RELL1: variants seen among roughly 807,000 people sequenced by gnomAD.
RELL1 encodes RELT like 1.
Under a neutral mutation model 23.0 loss-of-function variants are expected in RELL1, and 10 were observed. The ratio of observed to expected loss-of-function variants is 0.43; its 90% CI spans 0.27 to 0.74. RELL1 has a LOEUF of 0.74. RELL1 is among the 30% of genes least tolerant of loss of function. The probability of loss-of-function intolerance (pLI) is 0.19; values close to 1 mark genes in which losing one functional copy is unlikely to be tolerated. For missense variants in RELL1, 315 were observed against 364.4 expected (o/e 0.86, Z 1.10); for synonymous variants, 146 against 146.8 (o/e 0.99, Z 0.04).
intron 3 of RELL1, among the ~76,000 whole-genome samples, chr4:37,642,704 C>A (rs1177347100): frequency 6.6e-6 from 1 of 152,180 alleles, no homozygotes; most frequent in African/African-American, 2.4e-5. Context: ...AGGGTGGGGC[C>A]AGTCATCATT....
intron 6 of RELL1, among the ~76,000 whole-genome samples, chr4:37,616,659 C>A (rs1049388242): frequency 6.6e-6 from 1 of 151,010 alleles, no homozygotes; most frequent in African/African-American, 2.5e-5. Flanking sequence ...ATTAATAATT[C>A]TCTTGACCAC....
At chr4:37,596,510 C>A (rs1386705005) in intron 6 of RELL1, among the ~76,000 whole-genome samples, 1 of 151,444 alleles carries the variant, frequency 6.6e-6, no homozygotes, top group Non-Finnish European at 1.5e-5. Context: ...AATATAAGCA[C>A]TTTTACAACC....
chr4:37,588,644 G>A (rs758098514), downstream of RELL1: 52 of 527,596 alleles, frequency 9.9e-5, no homozygotes, highest in Non-Finnish European at 1.6e-4. Context: ...GTCAGTGAAC[G>A]TTTGAGAACT....
At chr4:37,587,043 C>G (rs528044668), downstream of RELL1, among the ~76,000 whole-genome samples, 8 of 152,186 alleles carry the variant, frequency 5.3e-5, no homozygotes, top group Non-Finnish European at 1.2e-4. Context: ...ACCGGGGCCA[C>G]ACTCTTTCCA....
intron 1 of RELL1, among the ~76,000 whole-genome samples, chr4:37,680,913 CAGAGCAACA>C (rs1722195045): frequency 8.5e-6 from 1 of 117,908 alleles, no homozygotes; most frequent in East Asian, 2.4e-4. Flanking sequence ...GCCTGGGTGA[CAGAGCAACA>C]CTCCATCTCA....
intron 1 of RELL1, among the ~76,000 whole-genome samples, chr4:37,658,743 C>A (rs891099057): frequency 1.3e-5 from 2 of 152,190 alleles, no homozygotes; most frequent in African/African-American, 4.8e-5. Flanking sequence ...AACAATATTT[C>A]ATCATTTAGC....
rs971176586 is a variant in RELL1, at chr4:37,612,293, G to T, written c.*1053C>A. Among the ~76,000 whole-genome samples, 1 of 140,034 alleles carries T rather than the reference G, an allele frequency of 7.1e-6. No homozygotes were observed. Among genetic ancestry groups the T allele is most frequent in the Non-Finnish European group, 1.5e-5 (1 of 65,454 alleles). 91.9% of individuals were successfully genotyped at this position (140,034 alleles called of 152,430 possible). ...CAACCATTTTCTCCTTTATTCAATG[G>T]ATTAACCAAGAATCGCTCAGCTAAA... On this transcript the variant is annotated 3_prime_UTR_variant, in exon 7 of 7. Coordinates refer to ENST00000454158, the MANE Select transcript of RELL1 (RefSeq NM_001085400.2).
intron 1 of RELL1, among the ~76,000 whole-genome samples, chr4:37,675,698 G>A (rs1340783008): frequency 6.6e-6 from 1 of 152,198 alleles, no homozygotes; most frequent in Non-Finnish European, 1.5e-5. Flanking sequence ...AATGTTTCCT[G>A]GAAATGCTAT....
At chr4:37,667,902 T>C (rs956143167) in intron 1 of RELL1, among the ~76,000 whole-genome samples, 1 of 151,990 alleles carries the variant, frequency 6.6e-6, no homozygotes, top group Admixed American at 6.6e-5. Flanking sequence ...AAACACTTTG[T>C]ATGAAGGGAT....
At chr4:37,624,506 C>G (rs1459730067) in intron 6 of RELL1, among the ~76,000 whole-genome samples, 2 of 150,542 alleles carry the variant, frequency 1.3e-5, no homozygotes, top group African/African-American at 4.9e-5. Context: ...TCACTGCAAC[C>G]TCCACCTCCC....
At chr4:37,675,117 G>C (rs1721984075) in intron 1 of RELL1, among the ~76,000 whole-genome samples, 1 of 152,192 alleles carries the variant, frequency 6.6e-6, no homozygotes, top group Non-Finnish European at 1.5e-5. Context: ...CTAAAAGCAA[G>C]TGGACAATTT....
chr4:37,683,261 T>C (rs1176698500), intron 1 of RELL1, among the ~76,000 whole-genome samples: 1 of 152,174 alleles, frequency 6.6e-6, no homozygotes, highest in Non-Finnish European at 1.5e-5. Context: ...GAATGAACTT[T>C]GGAATCAAGC....
downstream of RELL1, chr4:37,588,683 C>G: frequency 1.8e-6 from 1 of 566,376 alleles, no homozygotes. Flanking sequence ...TGGGGTATTC[C>G]TGGTAACCAG....
intron 1 of RELL1, among the ~76,000 whole-genome samples, chr4:37,682,437 A>C (rs1722257117): frequency 1.3e-5 from 2 of 152,228 alleles, no homozygotes; most frequent in Admixed American, 1.3e-4. Flanking sequence ...CTATTGTTTC[A>C]ATAAGTCATT....
chr4:37,600,746 G>A (rs1161185253), intron 6 of RELL1, among the ~76,000 whole-genome samples: 1 of 150,570 alleles, frequency 6.6e-6, no homozygotes, highest in Non-Finnish European at 1.5e-5. Context: ...GAGAGGTTGT[G>A]TCTGGCTTGG....
intron 6 of RELL1, among the ~76,000 whole-genome samples, chr4:37,600,856 C>A (rs1353216584): frequency 2.0e-5 from 3 of 151,158 alleles, no homozygotes; most frequent in East Asian, 1.9e-4. Flanking sequence ...AATAAGTAAA[C>A]CCATATATTT....
chr4:37,597,087 A>G lies in RELL1; in HGVS notation c.*4-5870T>C, dbSNP rs1237029858. 9.4e-4 allele frequency among the ~76,000 whole-genome samples: 143 copies of G among 152,066 alleles called. 1 individual carries two copies. The highest frequency in any genetic ancestry group is 7.2e-4 in the Non-Finnish European group (49 of 67,996). ...TGAAAGCACATAGAGCATACACATG[A>G]GTGTGGACCACGCACTTATAATATA... On this transcript the variant is annotated intron_variant, in intron 6 of 6. Transcript: ENST00000314117.
At chr4:37,679,642 A>G (rs1722137259) in intron 1 of RELL1, among the ~76,000 whole-genome samples, 1 of 152,234 alleles carries the variant, frequency 6.6e-6, no homozygotes, top group Admixed American at 6.5e-5. Context: ...TAGTCAAGAT[A>G]GAATAATATA....
intron 6 of RELL1, among the ~76,000 whole-genome samples, chr4:37,616,851 G>C (rs1035078001): frequency 6.6e-6 from 1 of 152,280 alleles, no homozygotes; most frequent in Non-Finnish European, 1.5e-5. Flanking sequence ...GCAGTTACAC[G>C]CTTGCAGGTT....
Sources: gnomAD v4.1 joint callset for allele counts (sites outside exome capture counted in the v4.1 genomes callset) on GRCh38, gnomAD v4.1.1 for gene constraint, MANE v1.5 for transcripts, NCBI Gene and HGNC (gene_info 2026-07-23, HGNC 2026-07-21) for gene names.